Variants in AOX1 observed in about 807,000 individuals in gnomAD.
AOX1 encodes aldehyde oxidase 1.
A neutral mutation model predicts 169.5 loss-of-function variants in AOX1; 153 were observed. That is an observed-to-expected ratio of 0.90 (90% confidence interval 0.79 to 1.03). The LOEUF is 1.03. Among genes scored for constraint, AOX1 ranks in the 50% least tolerant of loss-of-function variants. AOX1 has a pLI of 0.00. For missense variants in AOX1, 1,656 were observed against 1,663.9 expected (o/e 1.00, Z 0.08); for synonymous variants, 562 against 581.9 (o/e 0.97, Z 0.49).
At chr2:200,613,484 A>C (rs1574921725) in intron 14 of AOX1, among the ~76,000 whole-genome samples, 1 of 152,170 alleles carries the variant, frequency 6.6e-6, no homozygotes. Flanking sequence ...GCATGCAATA[A>C]ATGTCCTAGT....
At chr2:200,622,833 A>G (rs1488873533) in intron 18 of AOX1, among the ~76,000 whole-genome samples, 2 of 152,194 alleles carry the variant, frequency 1.3e-5, no homozygotes, top group African/African-American at 4.8e-5. Context: ...AATGGCTTTT[A>G]AAAGTCTTTT....
intron 20 of AOX1, among the ~76,000 whole-genome samples, chr2:200,633,397 T>A (rs1422379054): frequency 6.6e-6 from 1 of 152,118 alleles, no homozygotes; most frequent in Non-Finnish European, 1.5e-5. Context: ...TTCCAGTCTA[T>A]TTTTTTCTGC....
chr2:200,616,174 CT>C (rs1232644837), intron 16 of AOX1, 111 bp downstream of exon 16: 29 of 754,338 alleles, frequency 3.8e-5, no homozygotes, highest in Non-Finnish European at 6.2e-5. Context: ...CCAAGCTCCA[CT>C]TCTGGTAAAC....
At chr2:200,629,481 C>T (rs1404039030) in intron 20 of AOX1, among the ~76,000 whole-genome samples, 1 of 152,090 alleles carries the variant, frequency 6.6e-6, no homozygotes, top group Admixed American at 6.5e-5. Flanking sequence ...CCAGTGTTTC[C>T]AAGATTTTCT....
At position 200,604,837 on chromosome 2, in the gene AOX1, G is replaced by T. The variant is rs1273062026; in HGVS notation, c.811G>T (p.Val271Leu). The T allele has an allele frequency of 2.5e-6, 4 of 1,613,330 alleles. 1 individual carries two copies. In the South Asian group the frequency reaches 4.4e-5, roughly 18 times the overall value. Residue 271 changes from valine to leucine, a missense_variant, in exon 9 of 35, where the codon GTG (valine) becomes TTG (leucine). Physicochemically the swap from Val to Leu is conservative, Grantham distance 32. Transcript: ENST00000374700. ...TCCTGTTATCATGGGAAACACCTCT[G>T]TGGGTATGTAGAACCCCAGGGATTT... is the stretch of plus-strand genomic sequence containing the variant. ...QAPVIMGNTS[V>L]GPEVKFKGVF...
Position 200,623,882 on chromosome 2 carries a change from G to A in AOX1, c.2023G>A (p.Val675Ile). ...TDKVFCVGQL[V>I]CAVLADSEVQ... ...GTAGGTGTTCTGTGTGGGTCAGCTT[G>A]TCTGTGCTGTGCTTGCCGATTCTGA... The change falls in exon 19 of 35, where the codon GTC (valine) becomes ATC (isoleucine). Residue 675 changes from valine to isoleucine, a missense_variant. Transcript: ENST00000374700. 1 of 1,614,054 alleles carries A rather than the reference G, an allele frequency of 6.2e-7. No individual in the cohort carries two copies. Among genetic ancestry groups the A allele is most frequent in the Non-Finnish European group, 8.5e-7 (1 of 1,179,984 alleles).
intron 31 of AOX1, among the ~76,000 whole-genome samples, chr2:200,666,220 T>C (rs541697631): frequency 6.6e-6 from 1 of 152,340 alleles, no homozygotes; most frequent in South Asian, 2.1e-4. Context: ...AGATGACAAT[T>C]TGAAGACTTT....
intron 15 of AOX1, among the ~76,000 whole-genome samples, chr2:200,614,456 T>C (rs149544835): frequency 6.6e-6 from 1 of 152,322 alleles, no homozygotes; most frequent in Non-Finnish European, 1.5e-5. Context: ...TCCCTAGTGC[T>C]TCAGAGGAAA....
At chr2:200,610,775 G>A (rs1010709576) in intron 12 of AOX1, among the ~76,000 whole-genome samples, 8 of 152,108 alleles carry the variant, frequency 5.3e-5, no homozygotes, top group African/African-American at 1.7e-4. Flanking sequence ...TCAGGAAGAG[G>A]ACTGCTAAGG....
chr2:200,670,524 C>A, intron 34 of AOX1, 105 bp from the exon 35 acceptor site: 2 of 873,048 alleles, frequency 2.3e-6, no homozygotes, highest in Non-Finnish European at 3.8e-6. Flanking sequence ...TGTCATGGCC[C>A]TGGTTGCCCT....
At chr2:200,666,839 T>C (rs1041114282) in intron 32 of AOX1, 87 bp downstream of exon 32, 18 of 871,216 alleles carry the variant, frequency 2.1e-5, no homozygotes, top group African/African-American at 1.0e-4. Context: ...TCAGTCTTAT[T>C]CATCATCTTA....
chr2:200,662,478 G>C (rs1427792393), intron 30 of AOX1, among the ~76,000 whole-genome samples: 1 of 152,210 alleles, frequency 6.6e-6, no homozygotes, highest in Non-Finnish European at 1.5e-5. Flanking sequence ...GAGCCAGAAA[G>C]ATAGACAAAG....
At chr2:200,610,866 A>AT (rs2034622928) in intron 12 of AOX1, among the ~76,000 whole-genome samples, 1 of 152,102 alleles carries the variant, frequency 6.6e-6, no homozygotes, top group Non-Finnish European at 1.5e-5. Flanking sequence ...TTTTAAAAAA[A>AT]TTTTTTAGAT....
chr2:200,601,669 C>T (rs892533337), intron 5 of AOX1, among the ~76,000 whole-genome samples: 7 of 151,942 alleles, frequency 4.6e-5, no homozygotes, highest in African/African-American at 1.5e-4. Context: ...CAGTGGCTCA[C>T]GCCTGTAATC....
At chr2:200,634,682 C>T in intron 20 of AOX1, 109 bp from the exon 21 acceptor site, 1 of 1,347,278 alleles carries the variant, frequency 7.4e-7, no homozygotes, top group Non-Finnish European at 1.0e-6. Context: ...TTCACTGTGC[C>T]CAGCAGAAGT....
chr2:200,617,825 A>G lies in AOX1; in HGVS notation c.1704+1762A>G, dbSNP rs1303981010. On this transcript the variant is annotated intron_variant, in intron 16 of 34. Coordinates refer to ENST00000374700, the MANE Select transcript of AOX1 (RefSeq NM_001159.4). The stretch of plus-strand genomic sequence containing the variant: ...GGTTCAGGTTGAGAGCCCAAGCAGC[A>G]TCACAGCTCAGCACTTTGGGGGATA... 2.0e-5 allele frequency among the ~76,000 whole-genome samples: 3 copies of G among 152,200 alleles called. No individual in the cohort carries two copies. The East Asian group carries it at 5.8e-4, about 29-fold the overall frequency.
chr2:200,652,992 G>T (rs2035611501), intron 26 of AOX1, among the ~76,000 whole-genome samples: 1 of 152,152 alleles, frequency 6.6e-6, no homozygotes, highest in Non-Finnish European at 1.5e-5. Context: ...GGACAACCTA[G>T]AAGATTTGTA....
intron 20 of AOX1, among the ~76,000 whole-genome samples, chr2:200,629,083 T>G (rs1392918774): frequency 6.6e-6 from 1 of 152,182 alleles, no homozygotes; most frequent in Non-Finnish European, 1.5e-5. Context: ...GCCCAGCTTC[T>G]TAAGTTCCAA....
At chr2:200,624,155 T>C (rs1286637685) in intron 19 of AOX1, among the ~76,000 whole-genome samples, 172 bp downstream of exon 19, 5 of 152,214 alleles carry the variant, frequency 3.3e-5, no homozygotes, top group African/African-American at 1.2e-4. Flanking sequence ...GGACATGGCT[T>C]CTTTTTGCCA....
Sources: gnomAD v4.1 joint callset for allele counts (sites outside exome capture counted in the v4.1 genomes callset) on GRCh38, gnomAD v4.1.1 for gene constraint, MANE v1.5 for transcripts, NCBI Gene and HGNC (gene_info 2026-07-23, HGNC 2026-07-21) for gene names.